The following RBFOX1 variants were observed in gnomAD, a reference collection of about 807,000 sequenced individuals.
RBFOX1 encodes RNA binding fox-1 homolog 1, also known as RNA binding protein fox-1 homolog 1.
Under a neutral mutation model 57.7 loss-of-function variants are expected in RBFOX1, and 8 were observed. The ratio of observed to expected loss-of-function variants is 0.14; its 90% CI spans 0.08 to 0.25. The LOEUF is 0.25. RBFOX1 is among the 10% of genes least tolerant of loss of function. RBFOX1 has a pLI of 1.00. For synonymous variants in RBFOX1, 326 were observed against 222.4 expected (o/e 1.47, Z -4.15); for missense variants, 611 against 548.5 (o/e 1.11, Z -1.14).
chr16:6,854,841 G>A (rs563641681), intron 3 of RBFOX1, among the ~76,000 whole-genome samples: 21 of 152,100 alleles, frequency 1.4e-4, no homozygotes, highest in South Asian at 4.2e-4. Context: ...TGATCCGCCT[G>A]CCTCGGCCTC....
chr16:6,159,809 C>A (rs1486609845), intron 1 of RBFOX1, among the ~76,000 whole-genome samples: 3 of 152,204 alleles, frequency 2.0e-5, no homozygotes, highest in African/African-American at 7.2e-5. Flanking sequence ...AGAAGACTGA[C>A]TTGAAGTGGG....
At chr16:6,209,981 A>G (rs1347732141) in intron 1 of RBFOX1, among the ~76,000 whole-genome samples, 1 of 152,036 alleles carries the variant, frequency 6.6e-6, no homozygotes, top group East Asian at 1.9e-4. Flanking sequence ...ACTTTAAAAG[A>G]TTTTATATTT....
At chr16:6,190,664 C>T (rs1329665745) in intron 1 of RBFOX1, among the ~76,000 whole-genome samples, 2 of 152,114 alleles carry the variant, frequency 1.3e-5, no homozygotes, top group Admixed American at 6.5e-5. Context: ...ACACAGCCAC[C>T]AATTTCCCCT....
chr16:5,266,619 C>G (rs1048830622), intron 1 of RBFOX1, among the ~76,000 whole-genome samples: 18 of 144,842 alleles, frequency 1.2e-4, no homozygotes, highest in Admixed American at 1.1e-3. Context: ...ACGATCATGG[C>G]TCACTGCAGC....
At chr16:6,775,165 AGT>A (rs2079096098) in intron 3 of RBFOX1, among the ~76,000 whole-genome samples, 2 of 141,068 alleles carry the variant, frequency 1.4e-5, no homozygotes, top group Non-Finnish European at 1.5e-5. Flanking sequence ...CTCTACTAAA[AGT>A]ACAAAAAAAA....
chr16:5,345,389 C>G (rs934395118), intron 1 of RBFOX1, among the ~76,000 whole-genome samples: 2 of 152,206 alleles, frequency 1.3e-5, no homozygotes, highest in African/African-American at 4.8e-5. Context: ...GCACCCCATT[C>G]AAACCCAACT....
At chr16:5,510,619 T>C (rs903393508) in intron 2 of RBFOX1, among the ~76,000 whole-genome samples, 8 of 152,176 alleles carry the variant, frequency 5.3e-5, no homozygotes, top group African/African-American at 1.7e-4. Flanking sequence ...AAATGGGGGC[T>C]AGCAATTCAA....
In RBFOX1 at chr16:5,258,236, C is replaced by T. The variant is rs183205898; in HGVS notation, c.219+18131C>T. 6.3e-3 allele frequency among the ~76,000 whole-genome samples: 950 copies of T among 151,918 alleles called. 8 individuals are homozygous for T. Among genetic ancestry groups the T allele is most frequent in the Non-Finnish European group, 8.9e-3 (608 of 67,970 alleles). ...ATTTTCAATATACATAAAAGTAGAG[C>T]GACTAGTTTAATGAGCTATCATATA... On this transcript the variant is annotated intron_variant, in intron 1 of 2. Coordinates refer to the RBFOX1 transcript ENST00000585867.
intron 2 of RBFOX1, among the ~76,000 whole-genome samples, chr16:6,419,692 C>T (rs2093721853): frequency 1.3e-5 from 2 of 152,160 alleles, no homozygotes; most frequent in Admixed American, 1.3e-4. Context: ...TCCCACCATT[C>T]CCGTTCTTCA....
In RBFOX1 at chr16:6,989,188, G is replaced by GCTTGGC. The variant is rs1221912039; in HGVS notation, c.-15-62866_-15-62861dup. On this transcript the variant is annotated intron_variant, in intron 3 of 15. Transcript: ENST00000550418. ...TGGGATTTCAGGCCTGAGCCACTGT[G>GCTTGGC]CTTGGCCTCTTTTTCCGTTTTAAAA... Among the ~76,000 whole-genome samples, 13 of 152,294 alleles carry GCTTGGC rather than the reference G, an allele frequency of 8.5e-5. No homozygotes were observed. In the South Asian group the frequency reaches 2.3e-3, roughly 27 times the overall value.
chr16:5,412,349 A>C (rs1038369324), intron 1 of RBFOX1, among the ~76,000 whole-genome samples: 1 of 152,228 alleles, frequency 6.6e-6, no homozygotes, highest in Admixed American at 6.5e-5. Context: ...CACAAAGTAA[A>C]TACTCAACAA....
At chr16:5,438,191 A>G (rs1187015080) in intron 1 of RBFOX1, among the ~76,000 whole-genome samples, 1 of 152,220 alleles carries the variant, frequency 6.6e-6, no homozygotes, top group Non-Finnish European at 1.5e-5. Context: ...TTAGGCGACA[A>G]AACTAGAGGA....
At chr16:7,413,440 G>A (rs1166113438) in intron 4 of RBFOX1, among the ~76,000 whole-genome samples, 1 of 152,004 alleles carries the variant, frequency 6.6e-6, no homozygotes, top group Non-Finnish European at 1.5e-5. Context: ...GTCTGGGATG[G>A]GGCCCAGAAA....
At chr16:6,825,681 C>T (rs1223231640) in intron 3 of RBFOX1, among the ~76,000 whole-genome samples, 1 of 152,026 alleles carries the variant, frequency 6.6e-6, no homozygotes, top group African/African-American at 2.4e-5. Flanking sequence ...GGATAGGTAA[C>T]ACAAGGAAAG....
At chr16:6,564,237 C>G (rs570158325) in intron 2 of RBFOX1, among the ~76,000 whole-genome samples, 2 of 152,114 alleles carry the variant, frequency 1.3e-5, no homozygotes, top group Non-Finnish European at 2.9e-5. Flanking sequence ...TGCAGAAACT[C>G]AAGAGCATCA....
At chr16:5,560,317 C>T (rs2045846169) in intron 2 of RBFOX1, among the ~76,000 whole-genome samples, 1 of 151,988 alleles carries the variant, frequency 6.6e-6, no homozygotes, top group Non-Finnish European at 1.5e-5. Flanking sequence ...TCACTTCCTC[C>T]AGGAAGCACT....
chr16:6,384,060 C>CTTTTTTT (rs5815305), intron 2 of RBFOX1, among the ~76,000 whole-genome samples: 3 of 126,638 alleles, frequency 2.4e-5, no homozygotes, highest in Non-Finnish European at 3.3e-5. Context: ...ATTGGTTTTG[C>CTTTTTTT]TTTTTTTTTT....
intron 13 of RBFOX1, among the ~76,000 whole-genome samples, chr16:7,672,950 A>AAC (rs2072037805): frequency 6.6e-6 from 1 of 150,778 alleles, no homozygotes; most frequent in Non-Finnish European, 1.5e-5. Flanking sequence ...TAAGTATTAT[A>AAC]TAGTAAATAA....
At chr16:5,676,990 C>T (rs1347209837) in intron 3 of RBFOX1, among the ~76,000 whole-genome samples, 1 of 152,190 alleles carries the variant, frequency 6.6e-6, no homozygotes, top group Non-Finnish European at 1.5e-5. Flanking sequence ...TGTCCACAAA[C>T]AGGTGTGAAG....
Sources: allele counts gnomAD v4.1 joint callset (sites outside exome capture counted in the v4.1 genomes callset), GRCh38; gene constraint gnomAD v4.1.1; transcripts MANE v1.5; gene names NCBI Gene and HGNC (gene_info 2026-07-23, HGNC 2026-07-21).